The following ATG4C variants were observed in gnomAD, a reference collection of about 807,000 sequenced individuals.
ATG4C encodes autophagy related 4C cysteine peptidase, also known as cysteine protease ATG4C.
ATG4C carries 56 observed loss-of-function variants against 57.6 expected under a neutral mutation model. The observed-to-expected ratio is 0.97, with a 90% CI of 0.78 to 1.21. The LOEUF is 1.21. Among genes scored for constraint, ATG4C ranks in the 50% most tolerant of loss-of-function variants. The probability of loss-of-function intolerance (pLI) is 0.00; values close to 1 mark genes in which losing one functional copy is unlikely to be tolerated. For synonymous variants in ATG4C, 157 were observed against 174.1 expected, an observed-to-expected ratio of 0.90 and a Z score of 0.78; for missense variants, 595 against 529.8, an observed-to-expected ratio of 1.12 and a Z score of -1.21.
rs776524011 is a variant in ATG4C, at chr1:62,816,737, G to A, written c.323G>A (p.Gly108Glu). ...IEGSALTTDC[G>E]WGCTLRTGQM... ...GGCTCAGCTTTGACAACAGACTGTG[G>A]GTGGGGCTGCACATTGAGAACTGGC... Residue 108 changes from glycine to glutamate, a missense_variant, in exon 4 of 11, where the codon GGG becomes GAG. Transcript: ENST00000317868. 2 of 1,613,764 alleles carry A rather than the reference G, an allele frequency of 1.2e-6. No individual in the cohort carries two copies. The highest frequency in any genetic ancestry group is 1.7e-6 in the Non-Finnish European group (2 of 1,179,850).
intron 1 of ATG4C, among the ~76,000 whole-genome samples, chr1:62,786,138 A>G (rs951091818): frequency 2.0e-5 from 3 of 152,228 alleles, no homozygotes; most frequent in South Asian, 2.1e-4. Flanking sequence ...TGAAGAATTT[A>G]AGGAAATTAA....
chr1:62,816,508 A>G, intron 3 of ATG4C, 67 bp from the exon 4 acceptor site: 1 of 1,081,088 alleles, frequency 9.2e-7, no homozygotes, highest in Non-Finnish European at 1.3e-6. Flanking sequence ...TAAGACAGTA[A>G]TGATAATGTT....
In ATG4C at chr1:62,829,301, A is replaced by G. The variant is rs1354594752; in HGVS notation, c.933+125A>G. 5.4e-6 allele frequency: 6 copies of G among 1,107,488 alleles called. No homozygotes were observed. The African/African-American group carries it at 6.4e-5, about 12-fold the overall frequency. 68.6% of individuals were successfully genotyped at this position (1,107,488 alleles called of 1,614,324 possible). ...TGTAGTTGTACGTTGTACGTTGTAA[A>G]GTTTGACATTAGAGATTTTAAATTT... On this transcript the variant is annotated intron_variant, in intron 7 of 10. Transcript: ENST00000317868.
At chr1:62,847,648 T>C (rs12097658) in intron 10 of ATG4C, among the ~76,000 whole-genome samples, 22,784 of 152,098 alleles carry the variant, frequency 0.15, 1,807 homozygotes, top group South Asian at 0.2. Flanking sequence ...ATGGACCTAA[T>C]AGAGTTTCAT....
chr1:62,847,939 A>G (rs1194138467), intron 10 of ATG4C, among the ~76,000 whole-genome samples: 4 of 152,214 alleles, frequency 2.6e-5, no homozygotes, highest in Admixed American at 6.5e-5. Flanking sequence ...AGACTTCAGC[A>G]TCTCTATGGA....
chr1:62,794,719 G>T (rs983475413), intron 1 of ATG4C, among the ~76,000 whole-genome samples: 3 of 152,210 alleles, frequency 2.0e-5, no homozygotes, highest in Admixed American at 6.5e-5. Context: ...ATAAGGAAAA[G>T]AATTTACAAA....
intron 1 of ATG4C, among the ~76,000 whole-genome samples, chr1:62,789,103 C>A (rs746411915): frequency 2.6e-5 from 4 of 152,140 alleles, no homozygotes; most frequent in African/African-American, 9.7e-5. Context: ...TTTTCCTATC[C>A]AGTGATTTTA....
At chr1:62,814,327 C>T (rs1665192175) in intron 3 of ATG4C, among the ~76,000 whole-genome samples, 1 of 152,134 alleles carries the variant, frequency 6.6e-6, no homozygotes, top group African/African-American at 2.4e-5. Flanking sequence ...CCATCCTTCT[C>T]AGCAGACTAA....
intron 4 of ATG4C, among the ~76,000 whole-genome samples, chr1:62,817,517 T>A (rs902327444): frequency 1.3e-5 from 2 of 152,100 alleles, no homozygotes; most frequent in African/African-American, 4.8e-5. Context: ...AGCTAATTTT[T>A]AAATTTTTTT....
At chr1:62,801,927 C>T (rs1664682777) in intron 1 of ATG4C, among the ~76,000 whole-genome samples, 1 of 115,696 alleles carries the variant, frequency 8.6e-6, no homozygotes, top group Non-Finnish European at 1.6e-5. Flanking sequence ...CACTGCACTC[C>T]AGCTTGGGGG....
chr1:62,840,166 A>G (rs972784656), intron 9 of ATG4C, among the ~76,000 whole-genome samples: 2 of 152,108 alleles, frequency 1.3e-5, no homozygotes, highest in South Asian at 2.1e-4. Context: ...CTCCCCTCCC[A>G]TTAATGGAGT....
At chr1:62,861,317 G>A (rs866302577) in intron 10 of ATG4C, among the ~76,000 whole-genome samples, 22 of 152,098 alleles carry the variant, frequency 1.4e-4, no homozygotes, top group Middle Eastern at 3.4e-3. Flanking sequence ...AGGCAGAGGC[G>A]GGCAGATCAC....
chr1:62,812,570 A>G (rs1296081101), intron 3 of ATG4C, among the ~76,000 whole-genome samples: 1 of 152,212 alleles, frequency 6.6e-6, no homozygotes, highest in Non-Finnish European at 1.5e-5. Context: ...CAAGACAAGG[A>G]TGCCCTATCT....
intron 10 of ATG4C, among the ~76,000 whole-genome samples, chr1:62,857,235 C>G (rs879706174): frequency 1.4e-4 from 22 of 152,206 alleles, no homozygotes; most frequent in Non-Finnish European, 2.9e-4. Flanking sequence ...CAGCCATTCC[C>G]CATCACTACT....
At chr1:62,785,624 A>G (rs1328001343) in intron 1 of ATG4C, among the ~76,000 whole-genome samples, 3 of 152,304 alleles carry the variant, frequency 2.0e-5, no homozygotes, top group East Asian at 3.9e-4. Context: ...TTTCTGGGGA[A>G]CCACGTAACT....
At chr1:62,840,415 G>A (rs1666132016) in intron 9 of ATG4C, among the ~76,000 whole-genome samples, 2 of 152,046 alleles carry the variant, frequency 1.3e-5, no homozygotes, top group South Asian at 4.1e-4. Flanking sequence ...CCACAGACTT[G>A]TTAATTTTTG....
chr1:62,861,306 G>T (rs1666844963), intron 10 of ATG4C, among the ~76,000 whole-genome samples: 1 of 152,116 alleles, frequency 6.6e-6, no homozygotes, highest in South Asian at 2.1e-4. Flanking sequence ...AACACTTTGG[G>T]AGGCAGAGGC....
intron 6 of ATG4C, among the ~76,000 whole-genome samples, chr1:62,828,252 T>C (rs1238121536): frequency 6.6e-6 from 1 of 152,208 alleles, no homozygotes; most frequent in Non-Finnish European, 1.5e-5. Context: ...GTTAAACTAA[T>C]CTACACTCCC....
At chr1:62,848,948 C>T (rs1406831915) in intron 10 of ATG4C, among the ~76,000 whole-genome samples, 1 of 152,068 alleles carries the variant, frequency 6.6e-6, no homozygotes, top group African/African-American at 2.4e-5. Flanking sequence ...TTACAGGACA[C>T]TTTTGAAAAT....
Sources: gnomAD v4.1 joint callset for allele counts (sites outside exome capture counted in the v4.1 genomes callset) on GRCh38, gnomAD v4.1.1 for gene constraint, MANE v1.5 for transcripts, NCBI Gene and HGNC (gene_info 2026-07-23, HGNC 2026-07-21) for gene names.